The following ATOX1 variants were observed in gnomAD, a reference collection of about 807,000 sequenced individuals.
ATOX1 encodes copper transport protein ATOX1.
ATOX1 carries 4 observed loss-of-function variants against 7.3 expected under a neutral mutation model. That is an observed-to-expected ratio of 0.55 (90% CI 0.27 to 1.25). ATOX1 has a LOEUF of 1.25. ATOX1 is among the 50% of genes most tolerant of loss of function. ATOX1 has a pLI of 0.12. For synonymous variants in ATOX1, 25 were observed against 28.7 expected, an observed-to-expected ratio of 0.87 and a Z score of 0.41; for missense variants, 68 against 81.6, an observed-to-expected ratio of 0.83 and a Z score of 0.64.
chr5:151,754,976 C>A (rs1288842863), intron 1 of ATOX1, among the ~76,000 whole-genome samples: 1 of 130,154 alleles, frequency 7.7e-6, no homozygotes, highest in Non-Finnish European at 1.6e-5. Context: ...AGCGAGACAC[C>A]GTCCAAAAAA....
At chr5:151,753,990 C>G (rs1761982059) in intron 1 of ATOX1, 1 of 152,220 alleles carries the variant, frequency 6.6e-6, no homozygotes, top group Non-Finnish European at 1.5e-5. Flanking sequence ...TTTATTAAGG[C>G]CAAATCTGCA....
Position 151,752,856 on chromosome 5 carries a change from A to G in ATOX1, c.7-1077T>C, listed in dbSNP as rs149868869. 1.8e-4 allele frequency among the ~76,000 whole-genome samples: 28 copies of G among 152,220 alleles called. 1 individual carries two copies. Among genetic ancestry groups the G allele is most frequent in the Middle Eastern group, 3.4e-3 (1 of 294 alleles). ...ATGGGATGAACACAGGATTTTAAGT[A>G]CGGTTAGCCAGCATCCAAGATGGCC... is the stretch of plus-strand genomic sequence containing the variant. On this transcript the variant is annotated intron_variant, in intron 1 of 3. Transcript: ENST00000313115.
intron 1 of ATOX1, among the ~76,000 whole-genome samples, chr5:151,753,016 G>A (rs1470876740): frequency 1.3e-5 from 2 of 152,180 alleles, no homozygotes; most frequent in African/African-American, 4.8e-5. Context: ...ATGTCATAAA[G>A]GACACTGTGA....
At chr5:151,747,921 A>G (rs1581556247) in intron 2 of ATOX1, among the ~76,000 whole-genome samples, 1 of 152,160 alleles carries the variant, frequency 6.6e-6, no homozygotes, top group African/African-American at 2.4e-5. Context: ...AATCTTCCAC[A>G]GTGTGGACGT....
intron 2 of ATOX1, among the ~76,000 whole-genome samples, chr5:151,749,807 A>G (rs1761924419): frequency 1.3e-5 from 2 of 152,198 alleles, no homozygotes; most frequent in African/African-American, 2.4e-5. Context: ...GTCAGCAGCT[A>G]GGTTCTTTCC....
chr5:151,753,455 T>G (rs775120230), intron 1 of ATOX1, among the ~76,000 whole-genome samples: 10 of 152,226 alleles, frequency 6.6e-5, no homozygotes, highest in Non-Finnish European at 1.2e-4. Context: ...GATTATTAAT[T>G]TCTTCCATTT....
chr5:151,750,689 C>T (rs1761939211), intron 2 of ATOX1, among the ~76,000 whole-genome samples: 1 of 145,266 alleles, frequency 6.9e-6, no homozygotes, highest in Non-Finnish European at 1.5e-5. Flanking sequence ...CTCTGTTGCC[C>T]CCACTGCAGT....
chr5:151,753,560 G>A (rs1272320201), intron 1 of ATOX1, among the ~76,000 whole-genome samples: 1 of 152,194 alleles, frequency 6.6e-6, no homozygotes, highest in African/African-American at 2.4e-5. Flanking sequence ...AATCCTGGGT[G>A]TAGTGATATA....
Position 151,751,234 on chromosome 5 carries a change from C to T in ATOX1, c.82+470G>A, listed in dbSNP as rs574803341. 1.6e-4 allele frequency among the ~76,000 whole-genome samples: 18 copies of T among 112,700 alleles called. No homozygotes were observed. The East Asian group carries it at 4.2e-3, about 26-fold the overall frequency. The allele number at this position is 112,700 out of a possible 152,430, so 73.9% of individuals were successfully genotyped here. A position where few individuals can be genotyped will look rare whatever the true frequency, so the allele number is the denominator to read the frequency against. On this transcript the variant is annotated intron_variant, in intron 2 of 3. Coordinates refer to ENST00000313115, the MANE Select transcript of ATOX1 (RefSeq NM_004045.4). Reference sequence around the variant, plus strand: ...TTGCACCATTGCACTCCAGGCTGAGCAAGAAGAGCGAAACTCTGTCTCAAA... The same window carrying T: ...TTGCACCATTGCACTCCAGGCTGAGTAAGAAGAGCGAAACTCTGTCTCAAA...
At chr5:151,751,106 A>G (rs540716942) in intron 2 of ATOX1, among the ~76,000 whole-genome samples, 54 of 152,126 alleles carry the variant, frequency 3.5e-4, no homozygotes, top group African/African-American at 1.3e-3. Flanking sequence ...AAAATACAAA[A>G]TGAGCCAGGC....
chr5:151,758,405 T>C (rs1762042141), intron 1 of ATOX1, 141 bp downstream of exon 1: 18 of 1,295,138 alleles, frequency 1.4e-5, no homozygotes, highest in Non-Finnish European at 1.7e-5. Flanking sequence ...AGCTGGGGGC[T>C]GGGTGGGGTA....
intron 1 of ATOX1, among the ~76,000 whole-genome samples, chr5:151,756,467 CTTTT>C (rs369903211): frequency 7.0e-6 from 1 of 141,898 alleles, no homozygotes; most frequent in Non-Finnish European, 1.5e-5. Context: ...TCCTTCCTTC[CTTTT>C]TTTTTTTTCT....
At chr5:151,751,611 T>TG in intron 2 of ATOX1, 93 bp downstream of exon 2, 1 of 1,319,794 alleles carries the variant, frequency 7.6e-7, no homozygotes, top group Non-Finnish European at 1.1e-6. Context: ...TTAGTTTTAC[T>TG]GTTATGATCA....
At position 151,758,610 on chromosome 5, in the gene ATOX1, G is replaced by C. The variant is rs1201891783; in HGVS notation, c.-59C>G. On this transcript the variant is annotated 5_prime_UTR_variant, in exon 1 of 4. The change creates a new upstream start codon in the 5' untranslated region. Transcript: ENST00000313115. ...CGGCGGTGTCAGCAGCGCCTCTCTG[G>C]ATTCGGAGGGCGGGTTCGGCTGCGC... The C allele has an allele frequency of 1.1e-5, 15 of 1,369,222 alleles. No homozygotes were observed. Among genetic ancestry groups the C allele is most frequent in the Non-Finnish European group, 1.4e-5 (15 of 1,052,592 alleles). 84.8% of individuals were successfully genotyped at this position (1,369,222 alleles called of 1,614,324 possible).
rs1761952488 is a variant in ATOX1, at chr5:151,751,780, C to T, written c.7-1G>A. On this transcript the variant is annotated splice_acceptor_variant, in intron 1 of 3. Coordinates refer to ENST00000313115, the MANE Select transcript of ATOX1 (RefSeq NM_004045.4). LOFTEE classifies it high-confidence loss of function. ...TCATGTCCACAGAGAACTCGTGCTT[C>T]TGAAACAAACACAGGGGGACCATGA... 1 of 1,604,670 alleles carries T rather than the reference C, an allele frequency of 6.2e-7. No homozygotes were observed. The highest frequency in any genetic ancestry group is 8.5e-7 in the Non-Finnish European group (1 of 1,175,820).
At chr5:151,752,812 T>G (rs1761968480) in intron 1 of ATOX1, among the ~76,000 whole-genome samples, 1 of 152,070 alleles carries the variant, frequency 6.6e-6, no homozygotes, top group South Asian at 2.1e-4. Context: ...AGGGTAAGAG[T>G]CCCTCTCTAG....
chr5:151,748,842 CAG>C (rs1761909541), intron 2 of ATOX1, among the ~76,000 whole-genome samples: 2 of 150,502 alleles, frequency 1.3e-5, no homozygotes, highest in African/African-American at 4.9e-5. Flanking sequence ...GCCTGGGAGA[CAG>C]AGTGAGACTC....
At chr5:151,756,762 C>T (rs528774876) in intron 1 of ATOX1, among the ~76,000 whole-genome samples, 3 of 152,368 alleles carry the variant, frequency 2.0e-5, no homozygotes, top group Admixed American at 6.5e-5. Flanking sequence ...GCGTGAGCCA[C>T]CATGCCCGGC....
intron 1 of ATOX1, among the ~76,000 whole-genome samples, chr5:151,755,130 T>TA (rs905226800): frequency 6.4e-4 from 96 of 149,248 alleles, no homozygotes; most frequent in Middle Eastern, 6.5e-3. Flanking sequence ...CGGTGCCGTG[T>TA]AAAAAAAAAA....
Sources: gnomAD v4.1 joint callset for allele counts (sites outside exome capture counted in the v4.1 genomes callset) on GRCh38, gnomAD v4.1.1 for gene constraint, MANE v1.5 for transcripts, NCBI Gene and HGNC (gene_info 2026-07-23, HGNC 2026-07-21) for gene names.